MAPK6: variants seen among roughly 807,000 people sequenced by gnomAD.
The protein encoded by MAPK6 is ERK-3.
MAPK6 carries 19 observed loss-of-function variants against 59.3 expected under a neutral mutation model. That is an observed-to-expected ratio of 0.32 (90% CI 0.22 to 0.47). The LOEUF (loss-of-function observed/expected upper bound fraction) is 0.47. MAPK6 is among the 20% of genes least tolerant of loss of function. The pLI, the probability that MAPK6 is intolerant of heterozygous loss-of-function variation, is 1.00. For synonymous variants in MAPK6, 316 were observed against 290.3 expected (o/e 1.09, Z -0.90); for missense variants, 724 against 847.9 (o/e 0.85, Z 1.81).
At chr15:52,027,047 C>G (rs574156234) in intron 1 of MAPK6, among the ~76,000 whole-genome samples, 24 of 143,172 alleles carry the variant, frequency 1.7e-4, no homozygotes, top group African/African-American at 6.3e-4. Flanking sequence ...AATACTCTGT[C>G]TTGAAAAAAG....
intron 1 of MAPK6, among the ~76,000 whole-genome samples, chr15:52,039,068 AGT>A (rs1487263269): frequency 5.1e-4 from 78 of 152,364 alleles, no homozygotes; most frequent in African/African-American, 1.8e-3. Flanking sequence ...GCTGAAGTGC[AGT>A]GGCACGATCT....
intron 5 of MAPK6, among the ~76,000 whole-genome samples, chr15:52,061,856 AGAT>A (rs1244397027): frequency 6.6e-6 from 1 of 152,186 alleles, no homozygotes. Flanking sequence ...ATTACTGGTT[AGAT>A]GATATATGGG....
chr15:52,041,487 C>T (rs575054269), intron 1 of MAPK6, among the ~76,000 whole-genome samples: 5 of 152,314 alleles, frequency 3.3e-5, no homozygotes, highest in Admixed American at 1.3e-4. Context: ...TGAGCCACCG[C>T]GCCCGGCCTT....
At position 52,019,281 on chromosome 15, in the gene MAPK6, C is replaced by CG. The variant is rs1354046242; in HGVS notation, c.-725dup. On this transcript the variant is annotated 5_prime_UTR_variant, in exon 1 of 6. It introduces an in-frame stop codon into an upstream open reading frame of the 5' UTR. Coordinates refer to ENST00000261845, the MANE Select transcript of MAPK6 (RefSeq NM_002748.4). ...GGCGACTGCGGCAAAGCGAGAGCCT[C>CG]GGAGACGCCGCTGCCGCCAGCACAG... 6.6e-6 allele frequency: 1 copy of CG among 151,966 alleles called. No individual in the cohort carries two copies. Among genetic ancestry groups the CG allele is most frequent in the Non-Finnish European group, 1.5e-5 (1 of 67,926 alleles). The allele number at this position is 151,966 out of a possible 1,614,324, so 9.4% of individuals were successfully genotyped here. A position where few individuals can be genotyped will look rare whatever the true frequency, so the allele number is the denominator to read the frequency against.
chr15:52,058,887 T>C (rs2032089664), intron 4 of MAPK6, 90 bp downstream of exon 4: 10 of 1,096,636 alleles, frequency 9.1e-6, no homozygotes, highest in South Asian at 6.2e-5. Flanking sequence ...TCCTTAGATA[T>C]GGGGCTTTCT....
intron 4 of MAPK6, among the ~76,000 whole-genome samples, chr15:52,060,564 G>C (rs967659310): frequency 6.6e-6 from 1 of 152,180 alleles, no homozygotes; most frequent in Non-Finnish European, 1.5e-5. Context: ...GATGGTGGTG[G>C]TGATCCAGGG....
At position 52,064,075 on chromosome 15, in the gene MAPK6, C is replaced by A. The variant is rs1219650566; in HGVS notation, c.1241C>A (p.Ala414Asp). The A allele has an allele frequency of 9.9e-6, 16 of 1,612,480 alleles. No homozygotes were observed. The highest frequency in any genetic ancestry group is 1.3e-5 in the African/African-American group (1 of 74,862). ...CGGGAAAAGTATCTGGAGGATCCTG[C>A]TTTTGATACCAATTACTCTACTGAG... ...GDREKYLEDP[A>D]FDTNYSTEPC... The change falls in exon 6 of 6, where the codon GCT becomes GAT. Residue 414 changes from alanine to aspartate, a missense_variant. By Grantham distance (126) the Ala-to-Asp change is moderately radical. This residue lies in a region of MAPK6 where 502 missense variants were observed against 507.6 expected (regional missense o/e 0.99). Coordinates refer to ENST00000261845, the MANE Select transcript of MAPK6 (RefSeq NM_002748.4).
intron 5 of MAPK6, among the ~76,000 whole-genome samples, chr15:52,061,899 C>G (rs946798924): frequency 1.3e-5 from 2 of 152,016 alleles, no homozygotes; most frequent in African/African-American, 2.4e-5. Context: ...GAAACATTTT[C>G]AAAGTCATTA....
chr15:51,979,231 AAAGG>A (rs994059887), intron 1 of MAPK6, among the ~76,000 whole-genome samples: 46 of 151,496 alleles, frequency 3.0e-4, no homozygotes, highest in African/African-American at 7.0e-4. Context: ...AAGAGAAAGA[AAAGG>A]AAGGAAGGAA....
intron 3 of MAPK6, among the ~76,000 whole-genome samples, chr15:52,051,404 T>A (rs1442388773): frequency 6.8e-6 from 1 of 146,818 alleles, no homozygotes; most frequent in Admixed American, 7.0e-5. Flanking sequence ...CAGACGGTGC[T>A]AAGAGCAGAA....
chr15:52,023,968 A>G (rs1023020891), intron 1 of MAPK6, among the ~76,000 whole-genome samples: 4 of 152,186 alleles, frequency 2.6e-5, no homozygotes, highest in Admixed American at 1.3e-4. Context: ...GTCCATTTCT[A>G]AAAAATTGTT....
chr15:52,054,093 C>T (rs377016261), intron 3 of MAPK6, among the ~76,000 whole-genome samples: 25 of 151,834 alleles, frequency 1.6e-4, no homozygotes, highest in South Asian at 1.0e-3. Flanking sequence ...TACAGCTGGG[C>T]GCGGTGGCTC....
chr15:52,041,943 T>TC (rs2031434181), intron 1 of MAPK6, among the ~76,000 whole-genome samples: 1 of 152,244 alleles, frequency 6.6e-6, no homozygotes. Context: ...CATGATAAAC[T>TC]CCATGAGGGC....
chr15:51,997,741 C>A (rs997948345), intron 2 of MAPK6, among the ~76,000 whole-genome samples: 8 of 151,448 alleles, frequency 5.3e-5, no homozygotes, highest in African/African-American at 1.7e-4. Context: ...CAGGTGCCCG[C>A]CACCACACCC....
At chr15:52,047,275 G>C (rs1011113461) in intron 2 of MAPK6, among the ~76,000 whole-genome samples, 1 of 152,076 alleles carries the variant, frequency 6.6e-6, no homozygotes, top group Non-Finnish European at 1.5e-5. Context: ...TTCTCCCTTA[G>C]TTATTTAAAA....
chr15:51,989,008 T>A (rs2057200003), intron 2 of MAPK6, among the ~76,000 whole-genome samples: 1 of 151,918 alleles, frequency 6.6e-6, no homozygotes, highest in Non-Finnish European at 1.5e-5. Flanking sequence ...CTCCGTCTTC[T>A]AAGGACATAT....
chr15:51,994,406 A>C (rs1199399534), intron 2 of MAPK6, among the ~76,000 whole-genome samples: 2 of 152,084 alleles, frequency 1.3e-5, no homozygotes, highest in African/African-American at 4.8e-5. Flanking sequence ...GGAATTTCAG[A>C]CTAGATTACA....
At chr15:52,023,117 A>AC (rs1365120474) in intron 1 of MAPK6, among the ~76,000 whole-genome samples, 42 of 151,228 alleles carry the variant, frequency 2.8e-4, no homozygotes, top group Admixed American at 1.9e-3. Context: ...AAAAAAAAAA[A>AC]AAAAAAAAAA....
intron 2 of MAPK6, among the ~76,000 whole-genome samples, chr15:51,998,687 A>ATGTTTTTTTTTTTTTTTTT (rs2057233130): frequency 2.6e-5 from 1 of 38,472 alleles, no homozygotes; most frequent in Non-Finnish European, 4.6e-5. Context: ...TGCCTGGTTA[A>ATGTTTTTTTTTTTTTTTTT]TTTTTTTTTT....
Sources: gnomAD v4.1 joint callset for allele counts (sites outside exome capture counted in the v4.1 genomes callset) on GRCh38, gnomAD v4.1.1 for gene constraint, gnomAD v4.1.1 regional missense constraint, MANE v1.5 for transcripts, NCBI Gene and HGNC (gene_info 2026-07-23, HGNC 2026-07-21) for gene names.